Variants in ACTR3 observed in about 807,000 individuals in gnomAD.
ACTR3 encodes actin related protein 3.
Under a neutral mutation model 56.8 loss-of-function variants are expected in ACTR3, and 12 were observed. The ratio of observed to expected loss-of-function variants is 0.21; its 90% CI spans 0.14 to 0.34. The LOEUF (loss-of-function observed/expected upper bound fraction) is 0.34, where lower values mean the gene tolerates loss of function less well. Ranked by LOEUF, ACTR3 falls within the 10% of genes least tolerant of loss-of-function variation. The pLI is 1.00. For synonymous variants in ACTR3, 162 were observed against 167.4 expected, an observed-to-expected ratio of 0.97 and a Z score of 0.25; for missense variants, 282 against 512.5, an observed-to-expected ratio of 0.55 and a Z score of 4.34.
chr2:113,925,504 A>AT (rs1011753725), intron 3 of ACTR3, among the ~76,000 whole-genome samples: 2 of 151,950 alleles, frequency 1.3e-5, no homozygotes, highest in Admixed American at 6.6e-5. Context: ...TCGGAACTTT[A>AT]TTTTTTTTAA....
chr2:113,897,327 T>C (rs1429857548), intron 1 of ACTR3, among the ~76,000 whole-genome samples: 1 of 152,056 alleles, frequency 6.6e-6, no homozygotes, highest in Non-Finnish European at 1.5e-5. Context: ...CCTACATAAT[T>C]GACTAATACC....
intron 3 of ACTR3, among the ~76,000 whole-genome samples, chr2:113,924,638 T>C (rs1005390194): frequency 1.3e-5 from 2 of 152,188 alleles, no homozygotes; most frequent in Non-Finnish European, 2.9e-5. Flanking sequence ...CTGGTATATC[T>C]CTCTACGCAC....
intron 7 of ACTR3, among the ~76,000 whole-genome samples, chr2:113,940,497 C>G (rs537308648): frequency 6.6e-6 from 1 of 152,144 alleles, no homozygotes; most frequent in African/African-American, 2.4e-5. Context: ...ACAATTGATT[C>G]ATTGTGCTAT....
At chr2:113,952,995 A>T (rs901237508) in intron 10 of ACTR3, 2 of 152,148 alleles carry the variant, frequency 1.3e-5, no homozygotes, top group Non-Finnish European at 2.9e-5. Flanking sequence ...AACCACATTG[A>T]TTATGTGAAT....
chr2:113,956,899 A>G (rs940956219), intron 11 of ACTR3, among the ~76,000 whole-genome samples: 4 of 152,208 alleles, frequency 2.6e-5, no homozygotes, highest in African/African-American at 9.6e-5. Context: ...GGAACAGTCT[A>G]TCTTTTCCAG....
chr2:113,889,935 G>C (rs1678847563), upstream of ACTR3: 1 of 541,610 alleles, frequency 1.8e-6, no homozygotes, highest in South Asian at 2.3e-5. Context: ...GGCCTGGCCT[G>C]GCCGGGGCGT....
intron 6 of ACTR3, among the ~76,000 whole-genome samples, chr2:113,938,361 T>G (rs1679865858): frequency 1.3e-5 from 2 of 152,244 alleles, no homozygotes; most frequent in South Asian, 2.1e-4. Context: ...ATGCTTATAA[T>G]TTTTGATTTG....
At chr2:113,901,939 A>G (rs1286570809) in intron 1 of ACTR3, among the ~76,000 whole-genome samples, 1 of 152,254 alleles carries the variant, frequency 6.6e-6, no homozygotes, top group Non-Finnish European at 1.5e-5. Flanking sequence ...AAAGGATGTT[A>G]ATGCTTTTAC....
intron 1 of ACTR3, among the ~76,000 whole-genome samples, chr2:113,891,614 GC>G (rs1678899426): frequency 6.6e-6 from 1 of 150,702 alleles, no homozygotes; most frequent in Admixed American, 6.6e-5. Flanking sequence ...GGACTGTCAG[GC>G]TTTTTTTTTT....
chr2:113,930,493 TA>T (rs1428267541), intron 4 of ACTR3, among the ~76,000 whole-genome samples: 2 of 151,160 alleles, frequency 1.3e-5, no homozygotes, highest in African/African-American at 4.9e-5. Flanking sequence ...GTGTCTTTTT[TA>T]AATTTAAAAA....
chr2:113,915,146 G>A (rs1043975880), intron 2 of ACTR3, among the ~76,000 whole-genome samples: 1 of 152,130 alleles, frequency 6.6e-6, no homozygotes, highest in Admixed American at 6.5e-5. Flanking sequence ...GTTTCTTTAA[G>A]CTACCGTACG....
At chr2:113,921,323 T>G (rs577664581) in intron 3 of ACTR3, among the ~76,000 whole-genome samples, 42 of 152,164 alleles carry the variant, frequency 2.8e-4, no homozygotes, top group African/African-American at 9.6e-4. Flanking sequence ...TCAGTGTTTT[T>G]TTTTTTTTTT....
chr2:113,905,694 CT>C (rs1305274799), intron 1 of ACTR3, among the ~76,000 whole-genome samples: 3 of 152,126 alleles, frequency 2.0e-5, no homozygotes, highest in Non-Finnish European at 4.4e-5. Flanking sequence ...TACCATTCCA[CT>C]TTCTGTCTTT....
intron 3 of ACTR3, among the ~76,000 whole-genome samples, chr2:113,926,322 G>A (rs932377992): frequency 2.0e-5 from 3 of 152,168 alleles, no homozygotes; most frequent in Non-Finnish European, 2.9e-5. Context: ...TGTAGATCAC[G>A]CAGTGTCCAA....
At position 113,957,452 on chromosome 2, in the gene ACTR3, G is replaced by A. The variant is rs779301166; in HGVS notation, c.1254G>A (p.Ser418=). 30 of 1,611,808 alleles carry A rather than the reference G, an allele frequency of 1.9e-5. No individual in the cohort carries two copies. The highest frequency in any genetic ancestry group is 6.7e-5 in the East Asian group (3 of 44,830). ...CRHNPVFGVM[S] is the part of the protein sequence containing the mutation. Reference sequence around the variant, plus strand: ...ACAATCCAGTGTTTGGAGTCATGTCGTAAAATTGGCTTCATAGTTATTGGG... The same window carrying A: ...ACAATCCAGTGTTTGGAGTCATGTCATAAAATTGGCTTCATAGTTATTGGG... Residue 418 remains serine, a synonymous_variant, in exon 12 of 12, where the codon TCG becomes TCA. Coordinates refer to ENST00000263238, the MANE Select transcript of ACTR3 (RefSeq NM_005721.5).
At chr2:113,944,907 T>G (rs1679988951) in intron 8 of ACTR3, among the ~76,000 whole-genome samples, 1 of 152,150 alleles carries the variant, frequency 6.6e-6, no homozygotes, top group South Asian at 2.1e-4. Context: ...AAACTTTTAG[T>G]TGTGCAATAG....
At chr2:113,890,374 A>G in intron 1 of ACTR3, 51 bp downstream of exon 1, 1 of 574,468 alleles carries the variant, frequency 1.7e-6, no homozygotes, top group Non-Finnish European at 2.5e-6. Flanking sequence ...AGGAAGGAAG[A>G]TGGCGGGGGA....
intron 10 of ACTR3, chr2:113,952,357 C>T (rs551718380): frequency 6.6e-6 from 1 of 152,042 alleles, no homozygotes; most frequent in Admixed American, 6.6e-5. Context: ...TAAAAAAAAT[C>T]AAAATTAATT....
At chr2:113,908,666 T>C (rs1396831046) in intron 1 of ACTR3, among the ~76,000 whole-genome samples, 2 of 152,096 alleles carry the variant, frequency 1.3e-5, no homozygotes, top group Non-Finnish European at 2.9e-5. Flanking sequence ...TTCTGTACGC[T>C]TATTCTCTGA....
Sources: allele counts gnomAD v4.1 joint callset (sites outside exome capture counted in the v4.1 genomes callset), GRCh38; gene constraint gnomAD v4.1.1; transcripts MANE v1.5; gene names NCBI Gene and HGNC (gene_info 2026-07-23, HGNC 2026-07-21).